The following CFAP157 variants were observed in gnomAD, a reference collection of about 807,000 sequenced individuals.
CFAP157 encodes the protein cilia and flagella associated protein 157.
In CFAP157, 43 loss-of-function variants were observed where a neutral mutation model predicts 57.8. The observed-to-expected ratio is 0.74, with a 90% CI of 0.58 to 0.96. The LOEUF is 0.96. Among genes scored for constraint, CFAP157 ranks in the 40% least tolerant of loss-of-function variants. CFAP157 has a pLI of 0.00. For synonymous variants in CFAP157, 267 were observed against 269.0 expected (o/e 0.99, Z 0.07); for missense variants, 606 against 655.3 (o/e 0.92, Z 0.82).
chr9:127,708,527 T>G (rs1462246978), intron 1 of CFAP157, among the ~76,000 whole-genome samples: 2 of 152,212 alleles, frequency 1.3e-5, no homozygotes, highest in Non-Finnish European at 2.9e-5. Context: ...TTCAAGTAAC[T>G]TCAGTTACTC....
chr9:127,713,644 T>C, intron 8 of CFAP157, 190 bp from the exon 9 acceptor site: 1 of 487,892 alleles, frequency 2.0e-6, no homozygotes. Context: ...GTAGCAGGGA[T>C]TACAGGCATG....
rs1304253835 is a variant in CFAP157, at chr9:127,712,062, C to A, written c.986+112C>A. ...CAGTGACTTCCCCTCTCTAGAGGAG[C>A]CTGCCAGACAGGCTGAGGCTTGGGG... On this transcript the variant is annotated intron_variant, in intron 5 of 8. Coordinates refer to ENST00000373295, the MANE Select transcript of CFAP157 (RefSeq NM_001012502.3). 8 of 1,498,158 alleles carry A rather than the reference C, an allele frequency of 5.3e-6. No individual in the cohort carries two copies. In the East Asian group the frequency reaches 1.7e-4, roughly 31 times the overall value. The allele number at this position is 1,498,158 out of a possible 1,614,324, so 92.8% of individuals were successfully genotyped here.
chr9:127,709,707 T>G lies in CFAP157; in HGVS notation c.433+14T>G. The G allele has an allele frequency of 1.9e-6, 3 of 1,608,822 alleles. No individual in the cohort carries two copies. The highest frequency in any genetic ancestry group is 2.5e-6 in the Non-Finnish European group (3 of 1,176,764). On this transcript the variant is annotated intron_variant, in intron 2 of 8. Coordinates refer to ENST00000373295, the MANE Select transcript of CFAP157 (RefSeq NM_001012502.3). The surrounding 1 kb of genome is among the most constrained non-coding windows in gnomAD (Gnocchi z 4.7). Reference sequence around the variant, plus strand: ...ACATCATCCTTGGTGAGGAGGGGACTGGCTGGTGAGCCTGCAGGCACACAT... The same window carrying G: ...ACATCATCCTTGGTGAGGAGGGGACGGGCTGGTGAGCCTGCAGGCACACAT...
In CFAP157 at chr9:127,715,335, A is replaced by G; in HGVS notation, c.*1430A>G. 1 of 1,250,492 alleles carries G rather than the reference A, an allele frequency of 8.0e-7. No individual in the cohort carries two copies. 77.5% of individuals were successfully genotyped at this position (1,250,492 alleles called of 1,614,324 possible). Reference sequence around the variant, plus strand: ...AAGGGGCGCGAAGAAGGGGCCCAGAAACCCGACCCCTGAGAACTCCAGAAG... The same window carrying G: ...AAGGGGCGCGAAGAAGGGGCCCAGAGACCCGACCCCTGAGAACTCCAGAAG... On this transcript the variant is annotated 3_prime_UTR_variant, in exon 9 of 9. Coordinates refer to ENST00000373295, the MANE Select transcript of CFAP157 (RefSeq NM_001012502.3). The surrounding 1 kb of genome is among the most constrained non-coding windows in gnomAD (Gnocchi z 5.8).
chr9:127,710,093 C>T (rs951119184), intron 2 of CFAP157, among the ~76,000 whole-genome samples: 7 of 152,022 alleles, frequency 4.6e-5, no homozygotes, highest in Non-Finnish European at 7.4e-5. Context: ...GGCAACATAG[C>T]GACACTCCAT....
In CFAP157 at chr9:127,709,102, A is replaced by G. The variant is rs1842707045; in HGVS notation, c.162-320A>G. On this transcript the variant is annotated intron_variant, in intron 1 of 8. Coordinates refer to ENST00000373295, the MANE Select transcript of CFAP157 (RefSeq NM_001012502.3). The surrounding 1 kb of genome is among the most constrained non-coding windows in gnomAD (Gnocchi z 4.7). ...TACCTACATTCTTATAGGTTGTTGTAATGATTTAACAAACACACTGCACAC... is the reference window on the plus strand; with the variant it reads ...TACCTACATTCTTATAGGTTGTTGTGATGATTTAACAAACACACTGCACAC... 1.3e-5 allele frequency among the ~76,000 whole-genome samples: 2 copies of G among 152,222 alleles called. No homozygotes were observed. The highest frequency in any genetic ancestry group is 2.9e-5 in the Non-Finnish European group (2 of 68,038).
Position 127,709,336 on chromosome 9 carries a change from G to A in CFAP157, c.162-86G>A. The A allele has an allele frequency of 7.1e-7, 1 of 1,398,772 alleles. No individual in the cohort carries two copies. Among genetic ancestry groups the A allele is most frequent in the Admixed American group, 2.1e-5 (1 of 46,670 alleles). 86.6% of individuals were successfully genotyped at this position (1,398,772 alleles called of 1,614,324 possible). ...AACTCAAATGCCCCTTTACGGGACA[G>A]GGAGTCCAGGAGAGTGGGCCCAGCT... On this transcript the variant is annotated intron_variant, in intron 1 of 8. Coordinates refer to ENST00000373295, the MANE Select transcript of CFAP157 (RefSeq NM_001012502.3). This position sits in a 1 kb window ranked among gnomAD's most constrained non-coding sequence, Gnocchi z 4.7.
At chr9:127,710,570 A>G in intron 2 of CFAP157, 31 bp from the exon 3 acceptor site, 1 of 1,562,568 alleles carries the variant, frequency 6.4e-7, no homozygotes, top group Non-Finnish European at 8.7e-7. Flanking sequence ...GAGGCAGCCC[A>G]TCATTGGGCC....
At chr9:127,711,176 C>T in intron 3 of CFAP157, 53 bp from the exon 4 acceptor site, 1 of 1,587,428 alleles carries the variant, frequency 6.3e-7, no homozygotes, top group Non-Finnish European at 8.6e-7. Flanking sequence ...GGGGTGTGCC[C>T]AGGGCTTGTG....
chr9:127,713,280 C>T, intron 8 of CFAP157, 74 bp downstream of exon 8: 2 of 1,158,600 alleles, frequency 1.7e-6, no homozygotes, highest in Non-Finnish European at 2.4e-6. Flanking sequence ...TCTGCCAGGC[C>T]ACAGCTGTGT....
At position 127,709,381 on chromosome 9, in the gene CFAP157, C is replaced by T. The variant is rs1842712033; in HGVS notation, c.162-41C>T. 6.3e-7 allele frequency: 1 copy of T among 1,594,314 alleles called. No individual in the cohort carries two copies. The highest frequency in any genetic ancestry group is 1.1e-5 in the South Asian group (1 of 88,908). On this transcript the variant is annotated intron_variant, in intron 1 of 8. Coordinates refer to ENST00000373295, the MANE Select transcript of CFAP157 (RefSeq NM_001012502.3). The surrounding 1 kb of genome is among the most constrained non-coding windows in gnomAD (Gnocchi z 4.7). ...CCAGCTGCACCAGAGGCCTGGCTTGCCCAGCCTGACCCCTGGACCACGGCT... is the reference window on the plus strand; with the variant it reads ...CCAGCTGCACCAGAGGCCTGGCTTGTCCAGCCTGACCCCTGGACCACGGCT...
chr9:127,714,918 G>GGGGGCCCCCCCCCCCCCCCCC lies in CFAP157; in HGVS notation c.*1013_*1014insGGGGCCCCCCCCCCCCCCCCC. On this transcript the variant is annotated 3_prime_UTR_variant, in exon 9 of 9. Coordinates refer to ENST00000373295, the MANE Select transcript of CFAP157 (RefSeq NM_001012502.3). ...CAGCCAGTGCTCCCCTCTGGCCCCCGCGCCCCAACCCCCACCCCCTTGGCC... is the reference window on the plus strand; with the variant it reads ...CAGCCAGTGCTCCCCTCTGGCCCCCGGGGGCCCCCCCCCCCCCCCCCCGCCCCAACCCCCACCCCCTTGGCC... The GGGGGCCCCCCCCCCCCCCCCC allele has an allele frequency of 2.5e-6, 1 of 398,848 alleles. No homozygotes were observed. Among genetic ancestry groups the GGGGGCCCCCCCCCCCCCCCCC allele is most frequent in the Non-Finnish European group, 4.5e-6 (1 of 220,034 alleles). 24.7% of individuals were successfully genotyped at this position (398,848 alleles called of 1,614,324 possible).
Position 127,711,837 on chromosome 9 carries a change from T to C in CFAP157, c.873T>C (p.Thr291=). The change falls in exon 5 of 9, where the codon ACT becomes ACC. Residue 291 remains threonine, a synonymous_variant. Coordinates refer to ENST00000373295, the MANE Select transcript of CFAP157 (RefSeq NM_001012502.3). Reference sequence around the variant, plus strand: ...ACCCGCAGATCATCCTCATGCTGACTAAGAAGTGCCAGGAGCAGCAGCAGG... The same window carrying C: ...ACCCGCAGATCATCCTCATGCTGACCAAGAAGTGCCAGGAGCAGCAGCAGG... ...RGHQKIILML[T]KKCQEQQQDT... 1 of 1,570,962 alleles carries C rather than the reference T, an allele frequency of 6.4e-7. No individual in the cohort carries two copies.
chr9:127,713,981 C>G lies in CFAP157; in HGVS notation c.*76C>G. 1 of 1,578,890 alleles carries G rather than the reference C, an allele frequency of 6.3e-7. No homozygotes were observed. The stretch of plus-strand genomic sequence containing the variant: ...ACCCCCACTTTAATCCGCAGGCAGC[C>G]TGGAACAGTCTAGAGGAGATTTGTA... On this transcript the variant is annotated 3_prime_UTR_variant, in exon 9 of 9. Transcript: ENST00000373295.
Position 127,715,781 on chromosome 9 carries a change from G to A in CFAP157, c.*1876G>A, listed in dbSNP as rs1842964845. Reference sequence around the variant, plus strand: ...CGCCATGCTTCTGAGGGGCGGAAGCGGCGAGGCGGTGGCCGAGTCCGGGAA... The same window carrying A: ...CGCCATGCTTCTGAGGGGCGGAAGCAGCGAGGCGGTGGCCGAGTCCGGGAA... On this transcript the variant is annotated 3_prime_UTR_variant, in exon 9 of 9. Transcript: ENST00000373295. This position sits in a 1 kb window ranked among gnomAD's most constrained non-coding sequence, Gnocchi z 5.8. The A allele has an allele frequency of 6.7e-7, 1 of 1,483,768 alleles. No homozygotes were observed. Among genetic ancestry groups the A allele is most frequent in the Non-Finnish European group, 9.0e-7 (1 of 1,116,616 alleles). The allele number at this position is 1,483,768 out of a possible 1,614,324, so 91.9% of individuals were successfully genotyped here.
At position 127,715,584 on chromosome 9, in the gene CFAP157, C is replaced by T. The variant is rs762242606; in HGVS notation, c.*1679C>T. On this transcript the variant is annotated 3_prime_UTR_variant, in exon 9 of 9. Transcript: ENST00000373295. The surrounding 1 kb of genome is among the most constrained non-coding windows in gnomAD (Gnocchi z 5.8). ...CGGGGGGCGAGGCTCCAAAACACAT[C>T]GGCTCATGGCTCTACTCAGCCGCTG... 2.5e-6 allele frequency: 4 copies of T among 1,613,470 alleles called. No individual in the cohort carries two copies. Among genetic ancestry groups the T allele is most frequent in the Non-Finnish European group, 2.5e-6 (3 of 1,180,036 alleles).
chr9:127,712,151 G>A, intron 5 of CFAP157, 48 bp from the exon 6 acceptor site: 5 of 1,607,730 alleles, frequency 3.1e-6, no homozygotes, highest in Non-Finnish European at 4.2e-6. Context: ...GGTGGCCCCA[G>A]TCCTGGGGAA....
Position 127,709,363 on chromosome 9 carries a change from C to T in CFAP157, c.162-59C>T. The T allele has an allele frequency of 6.4e-7, 1 of 1,563,316 alleles. No individual in the cohort carries two copies. The highest frequency in any genetic ancestry group is 1.2e-5 in the South Asian group (1 of 85,570). On this transcript the variant is annotated intron_variant, in intron 1 of 8. Coordinates refer to ENST00000373295, the MANE Select transcript of CFAP157 (RefSeq NM_001012502.3). The surrounding 1 kb of genome is among the most constrained non-coding windows in gnomAD (Gnocchi z 4.7). ...GAGTCCAGGAGAGTGGGCCCAGCTG[C>T]ACCAGAGGCCTGGCTTGCCCAGCCT...
chr9:127,714,775 G>T lies in CFAP157; in HGVS notation c.*870G>T. 7.7e-7 allele frequency: 1 copy of T among 1,301,718 alleles called. No individual in the cohort carries two copies. Among genetic ancestry groups the T allele is most frequent in the Non-Finnish European group, 1.1e-6 (1 of 917,976 alleles). 80.6% of individuals were successfully genotyped at this position (1,301,718 alleles called of 1,614,324 possible). A position where few individuals can be genotyped will look rare whatever the true frequency, so the allele number is the denominator to read the frequency against. ...GAGGCACTGTCCCGACTCCCATGAT[G>T]AGGGACCACAACTAATCCCACTTCA... is the stretch of plus-strand genomic sequence containing the variant. On this transcript the variant is annotated 3_prime_UTR_variant, in exon 9 of 9. Coordinates refer to ENST00000373295, the MANE Select transcript of CFAP157 (RefSeq NM_001012502.3).
Sources: gnomAD v4.1 joint callset for allele counts (sites outside exome capture counted in the v4.1 genomes callset) on GRCh38, gnomAD v4.1.1 for gene constraint, Gnocchi (gnomAD v3.1) non-coding constraint, MANE v1.5 for transcripts, NCBI Gene and HGNC (gene_info 2026-07-23, HGNC 2026-07-21) for gene names.